The following WDPCP variants were observed in gnomAD, a reference collection of about 807,000 sequenced individuals.
WDPCP encodes WD repeat-containing and planar cell polarity effector protein fritz homolog.
Under a neutral mutation model 93.1 loss-of-function variants are expected in WDPCP, and 71 were observed. The ratio of observed to expected loss-of-function variants is 0.76; its 90% CI spans 0.63 to 0.93. The LOEUF (loss-of-function observed/expected upper bound fraction) is 0.93. Ranked by LOEUF, WDPCP falls within the 40% of genes least tolerant of loss-of-function variation. The probability of loss-of-function intolerance (pLI) is 0.00; values close to 1 mark genes in which losing one functional copy is unlikely to be tolerated. For missense variants in WDPCP, 844 were observed against 887.4 expected (o/e 0.95, Z 0.62); for synonymous variants, 315 against 315.0 (o/e 1.00, Z 0.00).
chr2:63,383,331 A>G (rs762763665), intron 10 of WDPCP, among the ~76,000 whole-genome samples: 1 of 152,196 alleles, frequency 6.6e-6, no homozygotes, highest in Non-Finnish European at 1.5e-5. Flanking sequence ...ATGAAGAAAG[A>G]TAACAATCCT....
At chr2:63,747,156 T>C (rs1669811028) in intron 2 of WDPCP, among the ~76,000 whole-genome samples, 1 of 152,302 alleles carries the variant, frequency 6.6e-6, no homozygotes, top group African/African-American at 2.4e-5. Context: ...CCCACTGATT[T>C]GTAGCAGCTC....
At chr2:63,526,549 T>C (rs994273086) in intron 1 of WDPCP, among the ~76,000 whole-genome samples, 5 of 152,210 alleles carry the variant, frequency 3.3e-5, no homozygotes, top group African/African-American at 1.2e-4. Context: ...AATTCACCTT[T>C]TACCATTTTC....
intron 13 of WDPCP, among the ~76,000 whole-genome samples, chr2:63,312,249 G>C (rs1378542637): frequency 6.6e-6 from 1 of 152,060 alleles, no homozygotes; most frequent in Non-Finnish European, 1.5e-5. Context: ...TCAATCCAAA[G>C]ATGATTGATC....
intron 1 of WDPCP, among the ~76,000 whole-genome samples, chr2:63,573,881 G>C (rs1407884639): frequency 6.6e-6 from 1 of 151,944 alleles, no homozygotes; most frequent in Non-Finnish European, 1.5e-5. Context: ...CGCTTCAGGG[G>C]GCAGCCGTCT....
At chr2:63,411,996 A>T (rs938283884) in intron 9 of WDPCP, among the ~76,000 whole-genome samples, 2 of 152,180 alleles carry the variant, frequency 1.3e-5, no homozygotes, top group Non-Finnish European at 1.5e-5. Context: ...TCCACAAGAT[A>T]GAGAAAGGAA....
At chr2:63,360,574 T>C (rs1222490524) in intron 12 of WDPCP, among the ~76,000 whole-genome samples, 2 of 152,236 alleles carry the variant, frequency 1.3e-5, no homozygotes, top group Non-Finnish European at 2.9e-5. Flanking sequence ...AAGGAAAATC[T>C]TTATATTTTA....
At chr2:63,563,886 C>A (rs957460687) in intron 1 of WDPCP, among the ~76,000 whole-genome samples, 1 of 152,232 alleles carries the variant, frequency 6.6e-6, no homozygotes. Flanking sequence ...TATAAACTAC[C>A]CACTCTCAGG....
chr2:63,621,931 G>C (rs558869186), intron 3 of WDPCP, among the ~76,000 whole-genome samples: 13 of 151,848 alleles, frequency 8.6e-5, no homozygotes, highest in African/African-American at 2.4e-4. Flanking sequence ...CAATGTGCAG[G>C]TTAGTTACAT....
chr2:63,806,695 A>T (rs1323997383), intron 2 of WDPCP, among the ~76,000 whole-genome samples: 1 of 152,100 alleles, frequency 6.6e-6, no homozygotes, highest in Non-Finnish European at 1.5e-5. Flanking sequence ...ACCCACCCCG[A>T]GGTGCGCATT....
Position 63,802,281 on chromosome 2 carries a change from TAAAAAAAAAAAAAA to T in WDPCP, n.308+11327_308+11340del, listed in dbSNP as rs58717654. On this transcript the variant is annotated intron_variant and non_coding_transcript_variant, in intron 2 of 4. Transcript: ENST00000467687. ...GGCAACATTATGATACCCTCTCTCTTAAAAAAAAAAAAAAAAAAAAAAAAAAAAAAAAAAAAAAA... is the reference window on the plus strand; with the variant it reads ...GGCAACATTATGATACCCTCTCTCTTAAAAAAAAAAAAAAAAAAAAAAAAA... Among the ~76,000 whole-genome samples, 529 of 54,338 alleles carry T rather than the reference TAAAAAAAAAAAAAA, an allele frequency of 9.7e-3. 8 individuals are homozygous for T. The highest frequency in any genetic ancestry group is 0.029 in the South Asian group (23 of 798). 35.6% of individuals were successfully genotyped at this position (54,338 alleles called of 152,430 possible).
rs528791152 is a variant in WDPCP at position 63,535,577 on chromosome 2, C to A, written c.76-42637G>T. Among the ~76,000 whole-genome samples, 44 of 152,324 alleles carry A rather than the reference C, an allele frequency of 2.9e-4. 1 individual carries two copies. The highest frequency in any genetic ancestry group is 1.9e-3 in the South Asian group (9 of 4,826). ...TACCACACATCTACAACCATCTGAT[C>A]TCTGACAAACCTGACAAAAACAAGA... is the stretch of plus-strand genomic sequence containing the variant. On this transcript the variant is annotated intron_variant, in intron 1 of 17. Transcript: ENST00000272321.
At chr2:63,323,436 T>A (rs1326866821) in intron 12 of WDPCP, among the ~76,000 whole-genome samples, 2 of 152,198 alleles carry the variant, frequency 1.3e-5, no homozygotes, top group Non-Finnish European at 2.9e-5. Context: ...TCTGGAATTT[T>A]AGGATCCCTC....
chr2:63,554,814 G>C (rs551854124), intron 1 of WDPCP, among the ~76,000 whole-genome samples: 50 of 152,176 alleles, frequency 3.3e-4, no homozygotes, highest in Non-Finnish European at 6.5e-4. Context: ...GGACTGACTA[G>C]GCAGCTGGTG....
intron 2 of WDPCP, among the ~76,000 whole-genome samples, chr2:63,709,397 T>C (rs536469338): frequency 3.3e-5 from 5 of 152,198 alleles, no homozygotes; most frequent in African/African-American, 4.8e-5. Context: ...TTTGGTGGTA[T>C]TATCATATTT....
intron 12 of WDPCP, among the ~76,000 whole-genome samples, chr2:63,358,882 C>A (rs1205693674): frequency 1.3e-5 from 2 of 152,184 alleles, no homozygotes; most frequent in Non-Finnish European, 2.9e-5. Context: ...ACAGACTACC[C>A]AGTCTCACTG....
At chr2:63,645,525 T>C (rs1432154766) in intron 3 of WDPCP, among the ~76,000 whole-genome samples, 1 of 152,168 alleles carries the variant, frequency 6.6e-6, no homozygotes, top group Non-Finnish European at 1.5e-5. Context: ...GTCCATTTGG[T>C]TTATAGTGCA....
At chr2:63,549,277 C>T (rs578101267) in intron 1 of WDPCP, among the ~76,000 whole-genome samples, 45 of 143,716 alleles carry the variant, frequency 3.1e-4, no homozygotes, top group African/African-American at 1.1e-3. Flanking sequence ...AAGAAAATAG[C>T]ATTTGTGCTA....
At chr2:63,137,617 G>A (rs1670719020) in intron 17 of WDPCP, among the ~76,000 whole-genome samples, 1 of 152,102 alleles carries the variant, frequency 6.6e-6, no homozygotes, top group Admixed American at 6.5e-5. Context: ...TCTTCATCAT[G>A]AAATCTGTGC....
At chr2:63,726,171 A>G (rs1015673574) in intron 2 of WDPCP, among the ~76,000 whole-genome samples, 2 of 152,288 alleles carry the variant, frequency 1.3e-5, no homozygotes, top group Middle Eastern at 3.4e-3. Context: ...TAGGGTTTTT[A>G]TACTTTTATG....
Sources: allele counts gnomAD v4.1 joint callset (sites outside exome capture counted in the v4.1 genomes callset), GRCh38; gene constraint gnomAD v4.1.1; transcripts MANE v1.5; gene names NCBI Gene and HGNC (gene_info 2026-07-23, HGNC 2026-07-21).